RPS6KA2: variants seen among roughly 807,000 people sequenced by gnomAD.
RPS6KA2 encodes ribosomal protein S6 kinase alpha-2.
RPS6KA2 carries 42 observed loss-of-function variants against 91.8 expected under a neutral mutation model. That is an observed-to-expected ratio of 0.46 (90% CI 0.36 to 0.59). The LOEUF (loss-of-function observed/expected upper bound fraction) is 0.59. Ranked by LOEUF, RPS6KA2 falls within the 20% of genes least tolerant of loss-of-function variation. RPS6KA2 has a pLI of 0.00. For missense variants in RPS6KA2, 798 were observed against 978.5 expected, an observed-to-expected ratio of 0.82 and a Z score of 2.46; for synonymous variants, 414 against 393.6, an observed-to-expected ratio of 1.05 and a Z score of -0.61.
At chr6:166,519,111 G>A (rs1380793388) in intron 3 of RPS6KA2, among the ~76,000 whole-genome samples, 1 of 152,222 alleles carries the variant, frequency 6.6e-6, no homozygotes, top group East Asian at 1.9e-4. Flanking sequence ...GTACGTTCAA[G>A]CCGCCTCTTT....
At chr6:166,741,320 T>C (rs779318005) in intron 2 of RPS6KA2, among the ~76,000 whole-genome samples, 1 of 152,190 alleles carries the variant, frequency 6.6e-6, no homozygotes, top group East Asian at 1.9e-4. Flanking sequence ...CTGAGAGCTC[T>C]ACAAAGGGAA....
chr6:166,722,297 G>A (rs1318569445), intron 2 of RPS6KA2, among the ~76,000 whole-genome samples: 1 of 152,200 alleles, frequency 6.6e-6, no homozygotes, highest in African/African-American at 2.4e-5. Context: ...CACACAGAAG[G>A]AGAAGCTGAA....
intron 2 of RPS6KA2, among the ~76,000 whole-genome samples, chr6:166,633,788 G>C (rs551331263): frequency 3.3e-5 from 5 of 152,102 alleles, no homozygotes; most frequent in Non-Finnish European, 5.9e-5. Context: ...CTCTTCCTCT[G>C]TACTCAGCAC....
Position 166,626,805 on chromosome 6 carries a change from G to T in RPS6KA2, c.99+116C>A. 2 of 841,356 alleles carry T rather than the reference G, an allele frequency of 2.4e-6. No individual in the cohort carries two copies. Among genetic ancestry groups the T allele is most frequent in the Non-Finnish European group, 1.6e-6 (1 of 624,814 alleles). 52.1% of individuals were successfully genotyped at this position (841,356 alleles called of 1,614,324 possible). A position where few individuals can be genotyped will look rare whatever the true frequency, so the allele number is the denominator to read the frequency against. On this transcript the variant is annotated intron_variant, in intron 1 of 20. Transcript: ENST00000265678. This position sits in a 1 kb window ranked among gnomAD's most constrained non-coding sequence, Gnocchi z 4.1. ...TTTTCGGAACCGGACCAGCTTTCCAGTAACTTGAACTCCCTGACGGGTCTC... is the reference window on the plus strand; with the variant it reads ...TTTTCGGAACCGGACCAGCTTTCCATTAACTTGAACTCCCTGACGGGTCTC...
intron 2 of RPS6KA2, among the ~76,000 whole-genome samples, chr6:166,687,469 G>A (rs578040060): frequency 6.6e-6 from 1 of 152,308 alleles, no homozygotes; most frequent in African/African-American, 2.4e-5. Context: ...GTGGGGGCAG[G>A]GGGACACCAG....
Position 166,469,848 on chromosome 6 carries a change from T to C in RPS6KA2, c.965A>G (p.Asp322Gly). 3.7e-6 allele frequency: 6 copies of C among 1,614,006 alleles called. No individual in the cohort carries two copies. Among genetic ancestry groups the C allele is most frequent in the Non-Finnish European group, 5.1e-6 (6 of 1,179,910 alleles). Residue 322 changes from aspartate (D) to glycine (G), a missense_variant, in exon 11 of 21, where the codon GAC becomes GGC. By Grantham distance (94) the Asp-to-Gly change is moderately conservative. Coordinates refer to ENST00000265678, the MANE Select transcript of RPS6KA2 (RefSeq NM_021135.6). ...IKRHPFFVTI[D>G]WNTLYRKEIK... ...CTGTGGCATGCAACTTACGTTCCAG[T>C]CTATGGTCACAAAGAAGGGATGGCG...
At chr6:166,620,668 C>G (rs1429847064) in intron 1 of RPS6KA2, among the ~76,000 whole-genome samples, 1 of 152,198 alleles carries the variant, frequency 6.6e-6, no homozygotes, top group Non-Finnish European at 1.5e-5. Flanking sequence ...AGTGCAAGAA[C>G]CTTTACAGAT....
At chr6:166,797,769 G>C (rs1779262289) in intron 2 of RPS6KA2, among the ~76,000 whole-genome samples, 1 of 152,042 alleles carries the variant, frequency 6.6e-6, no homozygotes, top group Admixed American at 6.5e-5. Flanking sequence ...AAGGTTCAAT[G>C]GCAATTAGTT....
intron 1 of RPS6KA2, among the ~76,000 whole-genome samples, chr6:166,588,982 TC>T (rs1197601382): frequency 6.6e-6 from 1 of 152,122 alleles, no homozygotes; most frequent in African/African-American, 2.4e-5. Flanking sequence ...GTTAAGGGCA[TC>T]TAGGAGGTGG....
intron 2 of RPS6KA2, among the ~76,000 whole-genome samples, chr6:166,786,908 A>C (rs1029943852): frequency 6.6e-6 from 1 of 152,180 alleles, no homozygotes; most frequent in East Asian, 1.9e-4. Flanking sequence ...GAAAAGTACA[A>C]GAGGCCCGAG....
At chr6:166,728,428 A>G (rs1790413041) in intron 2 of RPS6KA2, among the ~76,000 whole-genome samples, 1 of 152,138 alleles carries the variant, frequency 6.6e-6, no homozygotes, top group Non-Finnish European at 1.5e-5. Context: ...GTTGCAGTGG[A>G]TAAAAAAGAG....
At chr6:166,464,910 T>C (rs896385394) in intron 11 of RPS6KA2, among the ~76,000 whole-genome samples, 1 of 152,148 alleles carries the variant, frequency 6.6e-6, no homozygotes, top group Non-Finnish European at 1.5e-5. Flanking sequence ...TCCCCACACT[T>C]ACTGTCAGCA....
At chr6:166,470,936 G>C (rs968238687) in intron 10 of RPS6KA2, among the ~76,000 whole-genome samples, 1 of 152,178 alleles carries the variant, frequency 6.6e-6, no homozygotes, top group South Asian at 2.1e-4. Context: ...CCATCCTCCC[G>C]GGTCACGAAT....
chr6:166,481,765 T>C (rs1247244875), intron 10 of RPS6KA2, among the ~76,000 whole-genome samples: 1 of 151,356 alleles, frequency 6.6e-6, no homozygotes, highest in Non-Finnish European at 1.5e-5. Flanking sequence ...TCTTAAAGTA[T>C]GTGCTACAGA....
chr6:166,516,556 G>C (rs1782648693), intron 3 of RPS6KA2, among the ~76,000 whole-genome samples: 1 of 152,198 alleles, frequency 6.6e-6, no homozygotes, highest in African/African-American at 2.4e-5. Context: ...ACTCAACAAG[G>C]AAAACTTCTC....
intron 2 of RPS6KA2, among the ~76,000 whole-genome samples, chr6:166,532,624 C>T (rs73255156): frequency 0.11 from 16,921 of 151,914 alleles, 3,036 homozygotes; most frequent in African/African-American, 0.38. Context: ...TTCTAGATGA[C>T]GCCCATGGGA....
chr6:166,450,796 C>A (rs1339582898), intron 13 of RPS6KA2, among the ~76,000 whole-genome samples: 1 of 151,466 alleles, frequency 6.6e-6, no homozygotes, highest in Non-Finnish European at 1.5e-5. Context: ...ATGGGAGTAT[C>A]CATGGGGACC....
At position 166,626,492 on chromosome 6, in the gene RPS6KA2, C is replaced by G. The variant is rs1218100478; in HGVS notation, c.99+429G>C. ...GAACCTGCCGGCCGGGCACGGCAGA[C>G]AGCACCTGATCAGCGCCTCGGAGGG... On this transcript the variant is annotated intron_variant, in intron 1 of 20. Coordinates refer to ENST00000265678, the MANE Select transcript of RPS6KA2 (RefSeq NM_021135.6). This position sits in a 1 kb window ranked among gnomAD's most constrained non-coding sequence, Gnocchi z 4.1. Among the ~76,000 whole-genome samples, 2 of 152,260 alleles carry G rather than the reference C, an allele frequency of 1.3e-5. No homozygotes were observed. Among genetic ancestry groups the G allele is most frequent in the Non-Finnish European group, 2.9e-5 (2 of 68,046 alleles).
At chr6:166,816,699 A>G (rs772557989) in intron 2 of RPS6KA2, among the ~76,000 whole-genome samples, 5 of 152,240 alleles carry the variant, frequency 3.3e-5, no homozygotes, top group Non-Finnish European at 7.3e-5. Flanking sequence ...AGTGCTTCTT[A>G]TATGTGTTAC....
Sources: gnomAD v4.1 joint callset for allele counts (sites outside exome capture counted in the v4.1 genomes callset) on GRCh38, gnomAD v4.1.1 for gene constraint, Gnocchi (gnomAD v3.1) non-coding constraint, MANE v1.5 for transcripts, NCBI Gene and HGNC (gene_info 2026-07-23, HGNC 2026-07-21) for gene names.